Variants in GSE1 observed in about 807,000 individuals in gnomAD.
GSE1 encodes the protein genetic suppressor element 1.
A neutral mutation model predicts 112.6 loss-of-function variants in GSE1; 32 were observed. That is an observed-to-expected ratio of 0.28 (90% CI 0.21 to 0.38). The LOEUF (loss-of-function observed/expected upper bound fraction) is 0.38. Ranked by LOEUF, GSE1 falls within the 10% of genes least tolerant of loss-of-function variation. The pLI is 1.00. For synonymous variants in GSE1, 1,115 were observed against 735.6 expected, an observed-to-expected ratio of 1.52 and a Z score of -8.35; for missense variants, 2,348 against 1,699.2, an observed-to-expected ratio of 1.38 and a Z score of -6.71.
In GSE1 at chr16:85,628,499, C is replaced by G. The variant is rs371562074; in HGVS notation, c.8-5415C>G. 5.3e-5 allele frequency among the ~76,000 whole-genome samples: 8 copies of G among 152,150 alleles called. No individual in the cohort carries two copies. The East Asian group carries it at 9.7e-4, about 18-fold the overall frequency. ...GGTGATAGTGACACTGAGGTAGCCT[C>G]AGACCCAGGCATTGGAGGGAGCAGG... On this transcript the variant is annotated intron_variant, in intron 1 of 15. Coordinates refer to ENST00000253458, the MANE Select transcript of GSE1 (RefSeq NM_014615.5).
intron 2 of GSE1, among the ~76,000 whole-genome samples, chr16:85,508,452 GAGGAGAAGCCAGCAGCTCC>G (rs1156787094): frequency 1.3e-5 from 2 of 152,194 alleles, no homozygotes; most frequent in African/African-American, 4.8e-5. Flanking sequence ...GGACAGGATG[GAGGAGAAGCCAGCAGCTCC>G]AGGAGGAGCA....
chr16:85,272,911 G>A (rs1597252292), intron 1 of GSE1, among the ~76,000 whole-genome samples: 1 of 152,054 alleles, frequency 6.6e-6, no homozygotes, highest in Non-Finnish European at 1.5e-5. Context: ...CGAGTAGCTG[G>A]GATTACAGGC....
At chr16:85,444,778 A>G (rs1344952919) in intron 2 of GSE1, among the ~76,000 whole-genome samples, 1 of 152,106 alleles carries the variant, frequency 6.6e-6, no homozygotes, top group Non-Finnish European at 1.5e-5. Flanking sequence ...CTCTCATGCC[A>G]TCGCTGTGCT....
At chr16:85,270,021 G>GTAGC (rs1908673049) in intron 1 of GSE1, among the ~76,000 whole-genome samples, 1 of 149,328 alleles carries the variant, frequency 6.7e-6, no homozygotes, top group African/African-American at 2.4e-5. Context: ...CACACTGTTG[G>GTAGC]TAGCTAGGAT....
chr16:85,170,170 G>A, exon 1 of GSE1: 3 of 985,298 alleles, frequency 3.0e-6, no homozygotes, highest in Non-Finnish European at 3.6e-6. Context: ...GTGGAGGCCG[G>A]CTCCGGGACC....
chr16:85,222,478 G>A (rs1439292985), intron 1 of GSE1, among the ~76,000 whole-genome samples: 11 of 152,184 alleles, frequency 7.2e-5, no homozygotes, highest in African/African-American at 1.9e-4. Context: ...TCTCCAAGAC[G>A]TGCCTGACGG....
intron 1 of GSE1, among the ~76,000 whole-genome samples, chr16:85,556,794 G>A (rs1372064672): frequency 1.2e-5 from 1 of 86,838 alleles, no homozygotes; most frequent in Non-Finnish European, 2.4e-5. Context: ...TCTCCCTCCA[G>A]CCAACCCCCT....
At chr16:85,575,152 G>C (rs1429669875) in intron 1 of GSE1, among the ~76,000 whole-genome samples, 1 of 151,924 alleles carries the variant, frequency 6.6e-6, no homozygotes, top group Non-Finnish European at 1.5e-5. Flanking sequence ...CAGAATGTCA[G>C]AGGCACGCAC....
intron 1 of GSE1, among the ~76,000 whole-genome samples, chr16:85,202,656 G>A (rs2075049132): frequency 6.6e-6 from 1 of 152,220 alleles, no homozygotes; most frequent in Non-Finnish European, 1.5e-5. Flanking sequence ...TCGATCCTCA[G>A]GCCAGGCCCA....
At chr16:85,401,383 G>C (rs1422403792) in intron 2 of GSE1, among the ~76,000 whole-genome samples, 1 of 152,136 alleles carries the variant, frequency 6.6e-6, no homozygotes, top group Non-Finnish European at 1.5e-5. Flanking sequence ...GGGCACCAGG[G>C]GTGGGGGCAG....
chr16:85,292,824 G>A (rs1174253004), intron 1 of GSE1, among the ~76,000 whole-genome samples: 3 of 152,178 alleles, frequency 2.0e-5, no homozygotes, highest in Admixed American at 1.3e-4. Flanking sequence ...GTGCACACCC[G>A]TCACCTCTGT....
intron 2 of GSE1, among the ~76,000 whole-genome samples, chr16:85,394,350 C>T (rs929906204): frequency 6.6e-6 from 1 of 152,162 alleles, no homozygotes; most frequent in East Asian, 1.9e-4. Context: ...CCCCGCTGGA[C>T]GCTGCTCTAA....
chr16:85,264,406 G>T (rs1318809591), intron 1 of GSE1, among the ~76,000 whole-genome samples: 2 of 152,076 alleles, frequency 1.3e-5, no homozygotes, highest in African/African-American at 4.8e-5. Context: ...TGTTGTGGGG[G>T]TTCCACGCCT....
At chr16:85,653,197 TC>T (rs1567725448) in intron 3 of GSE1, among the ~76,000 whole-genome samples, 2 of 1,738 alleles carry the variant, frequency 1.2e-3, no homozygotes, top group African/African-American at 2.4e-3. Context: ...GCCCCCCTCC[TC>T]CCCCCTCCTC....
intron 3 of GSE1, among the ~76,000 whole-genome samples, chr16:85,650,692 C>G (rs750132301): frequency 6.6e-6 from 1 of 152,158 alleles, no homozygotes; most frequent in Non-Finnish European, 1.5e-5. Context: ...GGCGCGGGGC[C>G]GGCAGCTGGA....
intron 1 of GSE1, among the ~76,000 whole-genome samples, chr16:85,348,242 C>T (rs1413849123): frequency 6.6e-6 from 1 of 152,062 alleles, no homozygotes; most frequent in Non-Finnish European, 1.5e-5. Context: ...TGTCCATCAT[C>T]CATCCATCCA....
intron 11 of GSE1, 58 bp from the exon 12 acceptor site, chr16:85,664,957 C>T (rs1336737823): frequency 4.3e-6 from 5 of 1,154,192 alleles, no homozygotes; most frequent in Non-Finnish European, 6.5e-6. Context: ...ATCCCGCTGT[C>T]CTTCTCTCCA....
At chr16:85,211,697 G>A (rs987881760) in intron 1 of GSE1, among the ~76,000 whole-genome samples, 8 of 152,174 alleles carry the variant, frequency 5.3e-5, no homozygotes, top group African/African-American at 1.9e-4. Flanking sequence ...GGGATGGGAG[G>A]TGTGGGCCAG....
chr16:85,483,755 C>A (rs1179766671), intron 2 of GSE1, among the ~76,000 whole-genome samples: 1 of 152,260 alleles, frequency 6.6e-6, no homozygotes, highest in African/African-American at 2.4e-5. Context: ...GCAGCAGGCT[C>A]GGTGCTTGCC....
Sources: gnomAD v4.1 joint callset for allele counts (sites outside exome capture counted in the v4.1 genomes callset) on GRCh38, gnomAD v4.1.1 for gene constraint, MANE v1.5 for transcripts, NCBI Gene and HGNC (gene_info 2026-07-23, HGNC 2026-07-21) for gene names.